Variants in BMPR2 observed in about 807,000 individuals in gnomAD.
The protein encoded by BMPR2 is bone morphogenetic protein receptor type-2.
BMPR2 carries 29 observed loss-of-function variants against 100.8 expected under a neutral mutation model. That is an observed-to-expected ratio of 0.29 (90% CI 0.21 to 0.39). The LOEUF is 0.39. Ranked by LOEUF, BMPR2 falls within the 10% of genes least tolerant of loss-of-function variation. BMPR2 has a pLI of 1.00. For missense variants in BMPR2, 1,011 were observed against 1,274.5 expected (o/e 0.79, Z 3.15); for synonymous variants, 382 against 442.3 (o/e 0.86, Z 1.71).
intron 1 of BMPR2, among the ~76,000 whole-genome samples, chr2:202,398,584 CACTAAG>C (rs1690699598): frequency 6.6e-6 from 1 of 152,208 alleles, no homozygotes; most frequent in Non-Finnish European, 1.5e-5. Context: ...GTTTGTAACA[CACTAAG>C]ACAAAATATT....
At chr2:202,401,594 A>G (rs966708484) in intron 1 of BMPR2, among the ~76,000 whole-genome samples, 6 of 152,218 alleles carry the variant, frequency 3.9e-5, no homozygotes, top group Non-Finnish European at 8.8e-5. Context: ...TTTACTTGGT[A>G]TAAGTCAATG....
intron 1 of BMPR2, among the ~76,000 whole-genome samples, chr2:202,448,783 T>C (rs1174661340): frequency 6.6e-6 from 1 of 151,784 alleles, no homozygotes; most frequent in Non-Finnish European, 1.5e-5. Context: ...TTGTGTAGAC[T>C]CCAGGATATA....
At chr2:202,506,628 C>T (rs961309132) in intron 3 of BMPR2, among the ~76,000 whole-genome samples, 1 of 152,024 alleles carries the variant, frequency 6.6e-6, no homozygotes, top group African/African-American at 2.4e-5. Context: ...AGGCCGGGTG[C>T]GGTGGCTCAC....
At chr2:202,501,788 C>T (rs914986054) in intron 3 of BMPR2, among the ~76,000 whole-genome samples, 1 of 152,238 alleles carries the variant, frequency 6.6e-6, no homozygotes, top group Non-Finnish European at 1.5e-5. Context: ...ACTGGTGCTT[C>T]AAATGCGCAT....
chr2:202,501,790 A>C (rs1687401068), intron 3 of BMPR2, among the ~76,000 whole-genome samples: 2 of 152,216 alleles, frequency 1.3e-5, no homozygotes, highest in African/African-American at 4.8e-5. Flanking sequence ...TGGTGCTTCA[A>C]ATGCGCATAT....
rs116330255 is a variant in BMPR2 at position 202,519,721 on chromosome 2, C to A, written c.853-366C>A. On this transcript the variant is annotated intron_variant, in intron 6 of 12. Coordinates refer to ENST00000374580, the MANE Select transcript of BMPR2 (RefSeq NM_001204.7). ...ACCAATACATAAATGAATATATTTA[C>A]AAAATCCTTTTGTTTTCTACTTATT... 2.0e-3 allele frequency among the ~76,000 whole-genome samples: 302 copies of A among 152,280 alleles called. 1 individual carries two copies. Among genetic ancestry groups the A allele is most frequent in the African/African-American group, 6.6e-3 (275 of 41,562 alleles).
chr2:202,417,099 A>ATTT (rs2105921058), intron 1 of BMPR2, among the ~76,000 whole-genome samples: 1 of 151,350 alleles, frequency 6.6e-6, no homozygotes, highest in Non-Finnish European at 1.5e-5. Context: ...GCCTCCCAAA[A>ATTT]TGCTGGGATT....
At chr2:202,381,916 G>T (rs1353385068) in intron 1 of BMPR2, among the ~76,000 whole-genome samples, 1 of 151,030 alleles carries the variant, frequency 6.6e-6, no homozygotes, top group Non-Finnish European at 1.5e-5. Context: ...ATTGAATATT[G>T]ATCTCTAATG....
At chr2:202,447,045 C>G (rs901948802) in intron 1 of BMPR2, among the ~76,000 whole-genome samples, 2 of 149,558 alleles carry the variant, frequency 1.3e-5, no homozygotes, top group Admixed American at 6.6e-5. Flanking sequence ...TGGTGGCTCA[C>G]ACCTGTAATC....
Position 202,377,384 on chromosome 2 carries a change from G to A in BMPR2, c.-91G>A, listed in dbSNP as rs1690172209. 1.6e-6 allele frequency: 2 copies of A among 1,243,466 alleles called. No homozygotes were observed. The highest frequency in any genetic ancestry group is 2.3e-5 in the East Asian group (1 of 43,156). The allele number at this position is 1,243,466 out of a possible 1,614,324, so 77.0% of individuals were successfully genotyped here. A position where few individuals can be genotyped will look rare whatever the true frequency, so the allele number is the denominator to read the frequency against. ...TGTGATACGGGCAGGATCAGTCCAC[G>A]GGAGAGAAGACGAGCCTCCCGGCTG... On this transcript the variant is annotated 5_prime_UTR_variant, in exon 1 of 13. Coordinates refer to ENST00000374580, the MANE Select transcript of BMPR2 (RefSeq NM_001204.7).
intron 1 of BMPR2, among the ~76,000 whole-genome samples, chr2:202,449,014 AAG>A (rs1691917912): frequency 6.6e-6 from 1 of 150,974 alleles, no homozygotes; most frequent in Non-Finnish European, 1.5e-5. Context: ...GTGTACAGAA[AAG>A]AGTTAAAATA....
At chr2:202,418,782 A>T (rs1691193935) in intron 1 of BMPR2, among the ~76,000 whole-genome samples, 2 of 152,210 alleles carry the variant, frequency 1.3e-5, no homozygotes, top group Non-Finnish European at 2.9e-5. Flanking sequence ...CACAGAGAAT[A>T]GATTGTAAAT....
chr2:202,482,129 G>T (rs748449673), intron 3 of BMPR2, among the ~76,000 whole-genome samples: 2 of 152,132 alleles, frequency 1.3e-5, no homozygotes, highest in East Asian at 3.8e-4. Flanking sequence ...TGTCATGAAG[G>T]TTCATCCATC....
intron 1 of BMPR2, among the ~76,000 whole-genome samples, chr2:202,457,525 T>A (rs1027481185): frequency 6.8e-6 from 1 of 147,382 alleles, no homozygotes. Context: ...TAAAGATATA[T>A]TATTTTTAGC....
At chr2:202,391,360 G>C (rs1690544863) in intron 1 of BMPR2, among the ~76,000 whole-genome samples, 1 of 152,004 alleles carries the variant, frequency 6.6e-6, no homozygotes, top group Non-Finnish European at 1.5e-5. Context: ...CTGGAGTGCA[G>C]TGGTATGATC....
At chr2:202,430,477 A>G (rs1311673174) in intron 1 of BMPR2, among the ~76,000 whole-genome samples, 1 of 152,188 alleles carries the variant, frequency 6.6e-6, no homozygotes, top group African/African-American at 2.4e-5. Flanking sequence ...TGAATGGGCT[A>G]AGTTAATTGC....
At chr2:202,474,743 G>C (rs1462631768) in intron 3 of BMPR2, 3 of 152,030 alleles carry the variant, frequency 2.0e-5, no homozygotes, top group Non-Finnish European at 4.4e-5. Context: ...GGATGGTCTC[G>C]ATCTCCTGAC....
chr2:202,535,654 A>G (rs989658725), intron 9 of BMPR2, among the ~76,000 whole-genome samples: 1 of 151,848 alleles, frequency 6.6e-6, no homozygotes, highest in African/African-American at 2.4e-5. Flanking sequence ...GCGGCCAGGC[A>G]GAGACGCTCC....
At chr2:202,482,031 C>A (rs376688536) in intron 3 of BMPR2, among the ~76,000 whole-genome samples, 5 of 152,262 alleles carry the variant, frequency 3.3e-5, no homozygotes, top group African/African-American at 1.2e-4. Context: ...CTTTCTGTCT[C>A]TATGAATTTG....
Sources: allele counts gnomAD v4.1 joint callset (sites outside exome capture counted in the v4.1 genomes callset), GRCh38; gene constraint gnomAD v4.1.1; transcripts MANE v1.5; gene names NCBI Gene and HGNC (gene_info 2026-07-23, HGNC 2026-07-21).